GPR39: variants seen among roughly 807,000 people sequenced by gnomAD.
The protein encoded by GPR39 is G protein-coupled receptor 39.
GPR39 carries 23 observed loss-of-function variants against 18.4 expected under a neutral mutation model. The ratio of observed to expected loss-of-function variants is 1.25; its 90% confidence interval spans 0.90 to 1.77. The LOEUF is 1.77. Among genes scored for constraint, GPR39 ranks in the 40% most tolerant of loss-of-function variants. The pLI, the probability that GPR39 is intolerant of heterozygous loss-of-function variation, is 0.00. For synonymous variants in GPR39, 280 were observed against 257.9 expected (o/e 1.09, Z -0.82); for missense variants, 647 against 602.4 (o/e 1.07, Z -0.78).
chr2:132,508,441 G>A (rs1679176114), intron 1 of GPR39, among the ~76,000 whole-genome samples: 1 of 152,082 alleles, frequency 6.6e-6, no homozygotes, highest in African/African-American at 2.4e-5. Context: ...CTCTAGCTGG[G>A]TGGGTTAGTA....
rs144821707 is a variant in GPR39 at position 132,417,698 on chromosome 2, T to C, written c.656T>C (p.Val219Ala). The change falls in exon 1 of 2, where the codon GTG becomes GCG. Residue 219 changes from valine to alanine, a missense_variant. Val to Ala is a moderately conservative substitution (Grantham distance 64, BLOSUM62 0). Around this residue, in one of 3 missense-constraint regions of GPR39, gnomAD observed 581 missense variants for 506.8 expected, o/e 1.15. Coordinates refer to ENST00000329321, the MANE Select transcript of GPR39 (RefSeq NM_001508.3). The part of the protein sequence containing the change: ...ICTNLSSRWT[V>A]FQSSIFGAFV... ...ACCAACCTCTCCAGCCGCTGGACCG[T>C]GTTCCAGTCCAGCATCTTCGGCGCC... 5.0e-6 allele frequency: 8 copies of C among 1,614,040 alleles called. No homozygotes were observed. The highest frequency in any genetic ancestry group is 4.0e-5 in the African/African-American group (3 of 74,926).
intron 1 of GPR39, among the ~76,000 whole-genome samples, chr2:132,594,261 C>T (rs754472037): frequency 6.6e-6 from 1 of 152,014 alleles, no homozygotes; most frequent in Non-Finnish European, 1.5e-5. Flanking sequence ...TGTTAGACAC[C>T]ATTCATTAAA....
intron 1 of GPR39, among the ~76,000 whole-genome samples, chr2:132,458,153 T>A (rs1680766252): frequency 6.6e-6 from 1 of 152,034 alleles, no homozygotes; most frequent in African/African-American, 2.4e-5. Context: ...GTCCAACCAG[T>A]CCCAATGAGA....
chr2:132,621,000 C>A (rs554553936), intron 1 of GPR39, among the ~76,000 whole-genome samples: 1 of 152,302 alleles, frequency 6.6e-6, no homozygotes, highest in Non-Finnish European at 1.5e-5. Flanking sequence ...AATCCACCCA[C>A]CTCGGCCTCC....
At chr2:132,443,008 T>G (rs1484831653) in intron 1 of GPR39, among the ~76,000 whole-genome samples, 1 of 152,242 alleles carries the variant, frequency 6.6e-6, no homozygotes, top group Non-Finnish European at 1.5e-5. Context: ...AAATTAGCTT[T>G]AAATATCTCT....
At chr2:132,505,434 A>G (rs62167454) in intron 1 of GPR39, among the ~76,000 whole-genome samples, 21,996 of 152,156 alleles carry the variant, frequency 0.14, 1,702 homozygotes, top group African/African-American at 0.2. Flanking sequence ...CTATTTAAAA[A>G]TATACAACAC....
intron 1 of GPR39, among the ~76,000 whole-genome samples, chr2:132,604,134 T>G (rs1681093672): frequency 1.3e-5 from 2 of 152,128 alleles, no homozygotes; most frequent in Non-Finnish European, 2.9e-5. Flanking sequence ...TGAGATAACC[T>G]ATCCCACATG....
chr2:132,587,483 C>G (rs1291497538), intron 1 of GPR39, among the ~76,000 whole-genome samples: 1 of 152,132 alleles, frequency 6.6e-6, no homozygotes, highest in African/African-American at 2.4e-5. Context: ...TAGTGAAATA[C>G]TTTTTAAAAT....
At chr2:132,509,422 C>A (rs1358462695) in intron 1 of GPR39, among the ~76,000 whole-genome samples, 1 of 136,274 alleles carries the variant, frequency 7.3e-6, no homozygotes, top group Non-Finnish European at 1.6e-5. Context: ...AACCTAATCT[C>A]AAATATCATA....
intron 1 of GPR39, among the ~76,000 whole-genome samples, chr2:132,494,792 A>G (rs928685889): frequency 6.6e-5 from 10 of 151,634 alleles, no homozygotes; most frequent in Middle Eastern, 3.2e-3. Flanking sequence ...TCCTTTCTTT[A>G]TATTTGATGT....
At chr2:132,483,600 T>C (rs1681275868) in intron 1 of GPR39, among the ~76,000 whole-genome samples, 1 of 152,254 alleles carries the variant, frequency 6.6e-6, no homozygotes, top group Non-Finnish European at 1.5e-5. Flanking sequence ...GGTAACAGGC[T>C]GGTCTTGTCT....
At chr2:132,428,272 G>A (rs1350222102) in intron 1 of GPR39, among the ~76,000 whole-genome samples, 4 of 152,132 alleles carry the variant, frequency 2.6e-5, no homozygotes, top group African/African-American at 9.7e-5. Context: ...CATTCATCAA[G>A]TATTTATGAA....
At chr2:132,558,662 TTGAGATACA>T (rs1437899083) in intron 1 of GPR39, among the ~76,000 whole-genome samples, 1 of 152,164 alleles carries the variant, frequency 6.6e-6, no homozygotes, top group Non-Finnish European at 1.5e-5. Flanking sequence ...GACGATGCAC[TTGAGATACA>T]TGAAGGTGGA....
intron 1 of GPR39, among the ~76,000 whole-genome samples, chr2:132,499,566 T>G (rs1450500242): frequency 6.6e-6 from 1 of 152,142 alleles, no homozygotes; most frequent in African/African-American, 2.4e-5. Context: ...CTTTTTTGAT[T>G]CCATATGAAT....
At chr2:132,637,794 T>G (rs559536418) in intron 1 of GPR39, among the ~76,000 whole-genome samples, 5 of 152,346 alleles carry the variant, frequency 3.3e-5, no homozygotes, top group African/African-American at 9.6e-5. Context: ...AATGCCTCTC[T>G]GCCTTCCGTT....
chr2:132,492,871 C>T (rs1341967313), intron 1 of GPR39, among the ~76,000 whole-genome samples: 5 of 140,234 alleles, frequency 3.6e-5, no homozygotes, highest in African/African-American at 1.1e-4. Flanking sequence ...CATATATGTA[C>T]ACCATATATA....
intron 1 of GPR39, among the ~76,000 whole-genome samples, chr2:132,601,433 A>G (rs1339443795): frequency 1.3e-5 from 2 of 152,132 alleles, no homozygotes; most frequent in African/African-American, 4.8e-5. Context: ...TAAAAACTCT[A>G]AAAAACATTA....
At chr2:132,559,287 AAAC>A (rs1404699441) in intron 1 of GPR39, among the ~76,000 whole-genome samples, 1 of 152,182 alleles carries the variant, frequency 6.6e-6, no homozygotes, top group Non-Finnish European at 1.5e-5. Context: ...TTTTTGTAGA[AAAC>A]AACAAACCTG....
At chr2:132,528,034 G>A (rs142834207) in intron 1 of GPR39, among the ~76,000 whole-genome samples, 2,160 of 152,192 alleles carry the variant, frequency 0.014, 61 homozygotes, top group African/African-American at 0.05. Flanking sequence ...CATTGCCTAG[G>A]TTTTCTTCTA....
Sources: gnomAD v4.1 joint callset for allele counts (sites outside exome capture counted in the v4.1 genomes callset) on GRCh38, gnomAD v4.1.1 for gene constraint, gnomAD v4.1.1 regional missense constraint, MANE v1.5 for transcripts, NCBI Gene and HGNC (gene_info 2026-07-23, HGNC 2026-07-21) for gene names.